SYT14: variants seen among roughly 807,000 people sequenced by gnomAD.
SYT14 encodes synaptotagmin 14.
In SYT14, 32 loss-of-function variants were observed where a neutral mutation model predicts 74.2. The ratio of observed to expected loss-of-function variants is 0.43; its 90% CI spans 0.33 to 0.58. The LOEUF (loss-of-function observed/expected upper bound fraction) is 0.58. SYT14 is among the 20% of genes least tolerant of loss of function. The pLI is 0.05. For synonymous variants in SYT14, 298 were observed against 337.7 expected, an observed-to-expected ratio of 0.88 and a Z score of 1.29; for missense variants, 791 against 981.8, an observed-to-expected ratio of 0.81 and a Z score of 2.60.
intron 5 of SYT14, among the ~76,000 whole-genome samples, chr1:210,026,664 C>G (rs953539472): frequency 6.6e-6 from 1 of 151,066 alleles, no homozygotes; most frequent in Non-Finnish European, 1.5e-5. Context: ...TTGTCATTCT[C>G]TTTCTGTTAT....
chr1:210,036,870 AG>A (rs2080676083), intron 5 of SYT14, among the ~76,000 whole-genome samples: 1 of 152,010 alleles, frequency 6.6e-6, no homozygotes, highest in Non-Finnish European at 1.5e-5. Flanking sequence ...TGTGGTCATT[AG>A]GGATATGGAT....
intron 5 of SYT14, among the ~76,000 whole-genome samples, chr1:210,047,618 C>G (rs2080910333): frequency 6.6e-6 from 1 of 152,122 alleles, no homozygotes; most frequent in South Asian, 2.1e-4. Context: ...AGGCTGGTCT[C>G]AAACTCCTGA....
chr1:210,057,639 A>G (rs2081125052), intron 5 of SYT14, among the ~76,000 whole-genome samples: 1 of 151,994 alleles, frequency 6.6e-6, no homozygotes, highest in African/African-American at 2.4e-5. Context: ...TCTAATTAAA[A>G]CCTCTCTTGC....
At chr1:210,166,934 GAT>G (rs2083462199) in exon 10 of SYT14, 1 of 152,004 alleles carries the variant, frequency 6.6e-6, no homozygotes, top group African/African-American at 2.4e-5. Context: ...TAAAAAGGAA[GAT>G]ATTTAATGAA....
At chr1:210,077,992 A>G (rs1389538657) in intron 5 of SYT14, among the ~76,000 whole-genome samples, 4 of 152,322 alleles carry the variant, frequency 2.6e-5, no homozygotes, top group Admixed American at 2.6e-4. Flanking sequence ...AAACAACATT[A>G]TAGCAAACAC....
At chr1:210,014,969 G>A (rs1379288211) in intron 3 of SYT14, among the ~76,000 whole-genome samples, 2 of 150,948 alleles carry the variant, frequency 1.3e-5, no homozygotes, top group South Asian at 2.1e-4. Flanking sequence ...TTAAAACTGA[G>A]AAAATTTAAA....
At chr1:210,111,225 G>T (rs1215537452) in intron 7 of SYT14, among the ~76,000 whole-genome samples, 1 of 152,084 alleles carries the variant, frequency 6.6e-6, no homozygotes, top group Non-Finnish European at 1.5e-5. Context: ...CATTTTATAG[G>T]ATTTGGGTGG....
chr1:209,966,352 T>G (rs988327887), intron 2 of SYT14, among the ~76,000 whole-genome samples: 1 of 152,202 alleles, frequency 6.6e-6, no homozygotes, highest in African/African-American at 2.4e-5. Context: ...GGCTTCAGTT[T>G]ATCAATTTCT....
intron 1 of SYT14, among the ~76,000 whole-genome samples, chr1:209,943,311 C>T (rs1023530741): frequency 2.6e-5 from 4 of 151,832 alleles, no homozygotes; most frequent in African/African-American, 9.7e-5. Flanking sequence ...TTGAGACCAG[C>T]CTGGCCAACA....
intron 6 of SYT14, among the ~76,000 whole-genome samples, chr1:210,098,174 CAAAAA>C (rs879873358): frequency 8.3e-6 from 1 of 120,006 alleles, no homozygotes. Flanking sequence ...GACCCTGTGT[CAAAAA>C]AAAAAAAAAA....
chr1:210,000,607 T>C (rs1243778748), intron 2 of SYT14, among the ~76,000 whole-genome samples: 3 of 138,124 alleles, frequency 2.2e-5, no homozygotes. Context: ...GGCTGTTTTA[T>C]GCCTTCTTTT....
intron 7 of SYT14, among the ~76,000 whole-genome samples, chr1:210,145,261 T>G (rs1014280538): frequency 6.6e-6 from 1 of 152,218 alleles, no homozygotes. Flanking sequence ...GACTTATCTA[T>G]CACTAGCACA....
intron 7 of SYT14, among the ~76,000 whole-genome samples, chr1:210,116,002 A>G (rs773407286): frequency 2.6e-5 from 4 of 151,078 alleles, no homozygotes; most frequent in Non-Finnish European, 5.9e-5. Flanking sequence ...GTGGAAAATT[A>G]TAGTCAATAG....
chr1:210,064,606 T>A (rs1282406421), intron 5 of SYT14, among the ~76,000 whole-genome samples: 1 of 152,094 alleles, frequency 6.6e-6, no homozygotes, highest in Non-Finnish European at 1.5e-5. Context: ...TATTTCTTTT[T>A]GTGGCTGAAT....
At chr1:210,125,074 T>C (rs1241708773) in intron 7 of SYT14, among the ~76,000 whole-genome samples, 1 of 152,122 alleles carries the variant, frequency 6.6e-6, no homozygotes. Flanking sequence ...TTTTCTTTTT[T>C]TTTTTAGATT....
chr1:210,165,971 C>T (rs2083451248), exon 10 of SYT14: 1 of 152,122 alleles, frequency 6.6e-6, no homozygotes, highest in Admixed American at 6.5e-5. Context: ...ATAAATTGGT[C>T]GAAGTCTTTG....
intron 2 of SYT14, among the ~76,000 whole-genome samples, chr1:209,983,163 G>A (rs140764566): frequency 2.8e-4 from 42 of 151,610 alleles, no homozygotes; most frequent in Middle Eastern, 3.4e-3. Context: ...CATTTTCTTC[G>A]CATTGTATTT....
At chr1:210,140,930 G>C (rs1336630594) in intron 7 of SYT14, among the ~76,000 whole-genome samples, 2 of 151,626 alleles carry the variant, frequency 1.3e-5, no homozygotes, top group Non-Finnish European at 2.9e-5. Flanking sequence ...ATTGGGAAGT[G>C]TGAGTCCTCC....
chr1:210,078,032 C>T lies in SYT14; in HGVS notation c.1313-16290C>T, dbSNP rs368929922. Among the ~76,000 whole-genome samples the T allele has an allele frequency of 1.6e-4, 24 of 152,132 alleles. No homozygotes were observed. The South Asian group carries it at 3.7e-3, about 24-fold the overall frequency. On this transcript the variant is annotated intron_variant, in intron 5 of 9. Coordinates refer to ENST00000637265, the Ensembl canonical transcript of SYT14. Reference sequence around the variant, plus strand: ...GAAGCATAAAAATATGCATCTAGGCCGGGCGCGGTGGCTCACGCCTGTAAT... The same window carrying T: ...GAAGCATAAAAATATGCATCTAGGCTGGGCGCGGTGGCTCACGCCTGTAAT...
Sources: allele counts gnomAD v4.1 joint callset (sites outside exome capture counted in the v4.1 genomes callset), GRCh38; gene constraint gnomAD v4.1.1; transcripts MANE v1.5; gene names NCBI Gene and HGNC (gene_info 2026-07-23, HGNC 2026-07-21).